The following KLHL18 variants were observed in gnomAD, a reference collection of about 807,000 sequenced individuals.
KLHL18 encodes the protein kelch like family member 18.
A neutral mutation model predicts 58.5 loss-of-function variants in KLHL18; 38 were observed. The ratio of observed to expected loss-of-function variants is 0.65; its 90% CI spans 0.50 to 0.85. The LOEUF is 0.85. KLHL18 is among the 40% of genes least tolerant of loss of function. The pLI is 0.00. For synonymous variants in KLHL18, 303 were observed against 301.9 expected (o/e 1.00, Z -0.04); for missense variants, 624 against 778.4 (o/e 0.80, Z 2.36).
intron 7 of KLHL18, 37 bp from the exon 8 acceptor site, chr3:47,340,535 T>C: frequency 6.2e-7 from 1 of 1,613,284 alleles, no homozygotes; most frequent in African/African-American, 1.3e-5. Context: ...CCAGGAAGGC[T>C]GCGGCTCATC....
chr3:47,311,944 T>G (rs1406697421), intron 1 of KLHL18, among the ~76,000 whole-genome samples: 1 of 152,260 alleles, frequency 6.6e-6, no homozygotes, highest in Non-Finnish European at 1.5e-5. Flanking sequence ...GGAAGAATTC[T>G]GTATCCACTC....
At chr3:47,342,603 GT>G in intron 8 of KLHL18, 115 bp from the exon 9 acceptor site, 1 of 761,692 alleles carries the variant, frequency 1.3e-6, no homozygotes, top group Non-Finnish European at 2.2e-6. Context: ...GGTGGGAGAG[GT>G]GATAAGAGAT....
At chr3:47,305,018 C>A (rs1459377157) in intron 1 of KLHL18, among the ~76,000 whole-genome samples, 1 of 149,296 alleles carries the variant, frequency 6.7e-6, no homozygotes, top group African/African-American at 2.5e-5. Flanking sequence ...GAGGGAGATC[C>A]TGTTTCAAAA....
chr3:47,304,188 T>C (rs957506427), intron 1 of KLHL18, among the ~76,000 whole-genome samples: 6 of 152,210 alleles, frequency 3.9e-5, no homozygotes, highest in African/African-American at 1.4e-4. Flanking sequence ...TCAAGTTCCT[T>C]TGTCTTTCAT....
At chr3:47,314,145 C>G (rs1703369904) in intron 1 of KLHL18, among the ~76,000 whole-genome samples, 1 of 151,994 alleles carries the variant, frequency 6.6e-6, no homozygotes, top group Non-Finnish European at 1.5e-5. Flanking sequence ...AAACCATCTT[C>G]CCAAGCATGC....
intron 3 of KLHL18, among the ~76,000 whole-genome samples, chr3:47,326,649 G>C (rs943402725): frequency 2.6e-5 from 4 of 152,194 alleles, no homozygotes; most frequent in African/African-American, 9.7e-5. Flanking sequence ...TGGGTACGTT[G>C]ACTCACGCCT....
intron 1 of KLHL18, among the ~76,000 whole-genome samples, chr3:47,300,297 A>ATG (rs1237428841): frequency 6.9e-6 from 1 of 145,646 alleles, no homozygotes; most frequent in Non-Finnish European, 1.5e-5. Context: ...TTATATATAT[A>ATG]TATATATATA....
rs1292443598 is a variant in KLHL18 at position 47,336,761 on chromosome 3, T to A, written c.1121+4T>A. 2 of 1,612,140 alleles carry A rather than the reference T, an allele frequency of 1.2e-6. No individual in the cohort carries two copies. Among genetic ancestry groups the A allele is most frequent in the East Asian group, 2.2e-5 (1 of 44,860 alleles). ...GGAGCATGAATAGCAAGAGAAGGTA[T>A]TCTGGAAGCCACGTGCAGCCCGAAC... On this transcript the variant is annotated splice_donor_region_variant and intron_variant, in intron 7 of 9. Coordinates refer to ENST00000232766, the MANE Select transcript of KLHL18 (RefSeq NM_025010.5).
At chr3:47,293,896 CTT>C (rs755818829) in intron 1 of KLHL18, among the ~76,000 whole-genome samples, 75 of 152,282 alleles carry the variant, frequency 4.9e-4, no homozygotes, top group Non-Finnish European at 6.3e-4. Context: ...CTCATCCTCT[CTT>C]ATGTGTATTT....
chr3:47,296,627 G>A (rs1702902673), intron 1 of KLHL18, among the ~76,000 whole-genome samples: 1 of 152,176 alleles, frequency 6.6e-6, no homozygotes, highest in Non-Finnish European at 1.5e-5. Flanking sequence ...AGTTCTGAGG[G>A]TTTGTGACTG....
chr3:47,296,046 C>A (rs923654008), intron 1 of KLHL18, among the ~76,000 whole-genome samples: 1 of 152,194 alleles, frequency 6.6e-6, no homozygotes, highest in African/African-American at 2.4e-5. Context: ...TTAGTGTTGT[C>A]ATTGGACTAA....
chr3:47,284,222 ATCCTATTTC>A (rs1461843731), intron 1 of KLHL18, among the ~76,000 whole-genome samples: 4 of 151,872 alleles, frequency 2.6e-5, no homozygotes, highest in Non-Finnish European at 4.4e-5. Context: ...ACACAGCAAG[ATCCTATTTC>A]TCCTATTTCT....
chr3:47,322,778 G>GTAAAAGCCC, intron 3 of KLHL18, 70 bp downstream of exon 3: 1 of 1,437,178 alleles, frequency 7.0e-7, no homozygotes, highest in Non-Finnish European at 9.2e-7. Context: ...CCAGTTTGCT[G>GTAAAAGCCC]AGTTCTTGGG....
chr3:47,325,463 C>G (rs1267724142), intron 3 of KLHL18, among the ~76,000 whole-genome samples: 1 of 152,192 alleles, frequency 6.6e-6, no homozygotes, highest in South Asian at 2.1e-4. Context: ...TCCCAAAGTG[C>G]TGGGATTACA....
intron 1 of KLHL18, among the ~76,000 whole-genome samples, chr3:47,287,636 C>T (rs933161951): frequency 1.3e-5 from 2 of 152,068 alleles, no homozygotes; most frequent in Non-Finnish European, 2.9e-5. Context: ...TAGCTACATA[C>T]CACCATGCAT....
chr3:47,334,803 G>A lies in KLHL18; in HGVS notation c.882G>A (p.Gly294=), dbSNP rs756061327. ...TCGCTGGACTTATCTACGCTGTAGG[G>A]GGCCTCAACTCAGCAGGTACCTTGC... The part of the protein sequence containing the change: ...TSIAGLIYAV[G]GLNSAGDSLN... Residue 294 remains glycine, a synonymous_variant, in exon 6 of 10, where the codon GGG becomes GGA. Coordinates refer to ENST00000232766, the MANE Select transcript of KLHL18 (RefSeq NM_025010.5). The surrounding 1 kb of genome is among the most constrained non-coding windows in gnomAD (Gnocchi z 4.7). 32 of 1,613,374 alleles carry A rather than the reference G, an allele frequency of 2.0e-5. No homozygotes were observed. Among genetic ancestry groups the A allele is most frequent in the Admixed American group, 3.3e-5 (2 of 59,868 alleles).
intron 1 of KLHL18, chr3:47,297,586 A>G (rs1400009698): frequency 2.2e-6 from 1 of 456,676 alleles, no homozygotes; most frequent in South Asian, 1.5e-5. Flanking sequence ...AGATGAGATG[A>G]GAAGGTCATG....
rs912944256 is a variant in KLHL18, at chr3:47,310,678, G to A, written c.130-8975G>A. ...ACTCCTGACTTTGTCCTTCTCTGTC[G>A]TTTCTGATCTAAGTATATGGCACCT... On this transcript the variant is annotated intron_variant, in intron 1 of 9. Transcript: ENST00000232766. Among the ~76,000 whole-genome samples the A allele has an allele frequency of 9.9e-5, 15 of 152,226 alleles. 1 individual carries two copies. The highest frequency in any genetic ancestry group is 2.4e-4 in the African/African-American group (10 of 41,526).
At chr3:47,298,353 TAAA>T (rs36006254) in intron 1 of KLHL18, among the ~76,000 whole-genome samples, 1 of 118,552 alleles carries the variant, frequency 8.4e-6, no homozygotes, top group Non-Finnish European at 1.7e-5. Context: ...ATCCTGTCTC[TAAA>T]AAAAAAAAAA....
Sources: allele counts gnomAD v4.1 joint callset (sites outside exome capture counted in the v4.1 genomes callset), GRCh38; gene constraint gnomAD v4.1.1; non-coding constraint Gnocchi (gnomAD v3.1); transcripts MANE v1.5; gene names NCBI Gene and HGNC (gene_info 2026-07-23, HGNC 2026-07-21).